Variants in MTCL1 observed in about 807,000 individuals in gnomAD.
The protein encoded by MTCL1 is microtubule cross-linking factor 1.
A neutral mutation model predicts 141.4 loss-of-function variants in MTCL1; 79 were observed. That is an observed-to-expected ratio of 0.56 (90% CI 0.47 to 0.67). The LOEUF (loss-of-function observed/expected upper bound fraction) is 0.67. Among genes scored for constraint, MTCL1 ranks in the 30% least tolerant of loss-of-function variants. MTCL1 has a pLI of 0.00. For missense variants in MTCL1, 2,177 were observed against 2,113.9 expected (o/e 1.03, Z -0.59); for synonymous variants, 914 against 875.8 (o/e 1.04, Z -0.77).
Position 8,779,724 on chromosome 18 carries a change from G to A in MTCL1, c.417+1832G>A, listed in dbSNP as rs915638418. 6.6e-6 allele frequency among the ~76,000 whole-genome samples: 1 copy of A among 152,174 alleles called. No homozygotes were observed. The highest frequency in any genetic ancestry group is 2.4e-5 in the African/African-American group (1 of 41,432). Reference sequence around the variant, plus strand: ...TCTTTCAAACCCTGCTTTAGTCTTGGTGGCAGGCCTCATAGTGCATGTGTG... The same window carrying A: ...TCTTTCAAACCCTGCTTTAGTCTTGATGGCAGGCCTCATAGTGCATGTGTG... On this transcript the variant is annotated intron_variant, in intron 5 of 16. Transcript: ENST00000359865. The surrounding 1 kb of genome is among the most constrained non-coding windows in gnomAD (Gnocchi z 4.1).
chr18:8,720,769 A>G (rs541835422), intron 4 of MTCL1, among the ~76,000 whole-genome samples: 4 of 152,376 alleles, frequency 2.6e-5, no homozygotes, highest in Admixed American at 6.5e-5. Flanking sequence ...AATATTTTCT[A>G]TCTGGCCCTT....
intron 12 of MTCL1, among the ~76,000 whole-genome samples, chr18:8,817,252 C>CTTTTTT (rs35022661): frequency 3.1e-4 from 37 of 118,236 alleles, no homozygotes; most frequent in African/African-American, 9.9e-4. Context: ...AAAGCCTTCC[C>CTTTTTT]TTTTTTTTTT....
Position 8,705,955 on chromosome 18 carries a change from C to A in MTCL1, c.295C>A (p.Arg99=). The A allele has an allele frequency of 9.0e-7, 1 of 1,111,094 alleles. No homozygotes were observed. The highest frequency in any genetic ancestry group is 1.1e-6 in the Non-Finnish European group (1 of 913,026). The allele number at this position is 1,111,094 out of a possible 1,614,324, so 68.8% of individuals were successfully genotyped here. A position where few individuals can be genotyped will look rare whatever the true frequency, so the allele number is the denominator to read the frequency against. Residue 99 remains arginine, a synonymous_variant, in exon 1 of 14, where the codon CGG becomes AGG. Transcript: ENST00000306329. The surrounding 1 kb of genome is among the most constrained non-coding windows in gnomAD (Gnocchi z 5.2). ...CCTGGCCGCGCCCGGCCGCCTCTCT[C>A]GGCGCAGTGGCGGCGTCCCGGGCGC...
At chr18:8,733,957 A>C (rs1357436492) in intron 4 of MTCL1, among the ~76,000 whole-genome samples, 4 of 152,140 alleles carry the variant, frequency 2.6e-5, no homozygotes, top group African/African-American at 4.8e-5. Flanking sequence ...AGCCATAAAC[A>C]TTATTTTGAA....
chr18:8,732,336 T>G (rs946793642), intron 4 of MTCL1, among the ~76,000 whole-genome samples: 1 of 152,164 alleles, frequency 6.6e-6, no homozygotes, highest in African/African-American at 2.4e-5. Flanking sequence ...AGTCTCAAAC[T>G]CCTGAGCTCA....
intron 15 of MTCL1, among the ~76,000 whole-genome samples, chr18:8,826,705 G>A (rs112791015): frequency 0.016 from 2,380 of 152,300 alleles, 23 homozygotes; most frequent in Non-Finnish European, 0.024. Context: ...ACAAGATCTC[G>A]ATTCCTGGGC....
intron 7 of MTCL1, chr18:8,789,718 C>T: frequency 1.0e-6 from 1 of 985,234 alleles, no homozygotes; most frequent in Non-Finnish European, 1.2e-6. Context: ...TAATCAGAAT[C>T]CTAGGTAAGT....
At chr18:8,735,052 A>G (rs1445606508) in intron 4 of MTCL1, among the ~76,000 whole-genome samples, 2 of 152,216 alleles carry the variant, frequency 1.3e-5, no homozygotes, top group African/African-American at 4.8e-5. Context: ...ACCTCTGTCC[A>G]TCAAAGCCAA....
At chr18:8,829,106 T>C in intron 16 of MTCL1, 1 of 1,518,992 alleles carries the variant, frequency 6.6e-7, no homozygotes, top group Non-Finnish European at 8.8e-7. Flanking sequence ...GAGGTTCGCC[T>C]AAACCCAGGA....
upstream of MTCL1, among the ~76,000 whole-genome samples, chr18:8,715,155 A>G (rs1235040122): frequency 2.0e-5 from 3 of 152,126 alleles, no homozygotes; most frequent in African/African-American, 7.2e-5. Flanking sequence ...AAATATTGCT[A>G]TTTACATCTG....
chr18:8,813,032 C>G lies in MTCL1; in HGVS notation c.2658C>G (p.Ser886Arg), dbSNP rs749144055. 7 of 1,614,042 alleles carry G rather than the reference C, an allele frequency of 4.3e-6. No individual in the cohort carries two copies. In the African/African-American group the frequency reaches 9.3e-5, roughly 22 times the overall value. Residue 886 changes from serine (S) to arginine (R), a missense_variant, in exon 12 of 17, where the codon AGC becomes AGG. Ser to Arg is a moderately radical substitution (Grantham distance 110). Transcript: ENST00000359865. ...GAGAACTAGGCTCCTCCGCTGAGAG[C>G]AAGGGGGCCTTGAAGAAGGAGAGAG...
intron 11 of MTCL1, among the ~76,000 whole-genome samples, chr18:8,812,352 T>A (rs1307780610): frequency 6.6e-6 from 1 of 152,246 alleles, no homozygotes; most frequent in African/African-American, 2.4e-5. Context: ...AGATACTTTT[T>A]CTGCGTACAG....
chr18:8,727,397 T>C (rs1461718431), intron 4 of MTCL1, among the ~76,000 whole-genome samples: 1 of 152,254 alleles, frequency 6.6e-6, no homozygotes, highest in Admixed American at 6.5e-5. Context: ...TGTACTAATT[T>C]ACATTCCTAC....
At chr18:8,796,978 A>G (rs529026692) in intron 9 of MTCL1, among the ~76,000 whole-genome samples, 41 of 152,336 alleles carry the variant, frequency 2.7e-4, no homozygotes, top group Non-Finnish European at 5.6e-4. Flanking sequence ...TATTTCATCA[A>G]TTTTGGTCCA....
At chr18:8,796,353 T>C (rs747987561) in exon 9 of MTCL1, 3 of 1,614,116 alleles carry the variant, frequency 1.9e-6, no homozygotes, top group Admixed American at 1.7e-5. Flanking sequence ...CAGCAGGAGC[T>C]CCGGTCCTTG....
chr18:8,827,005 G>T (rs1376948197), intron 15 of MTCL1, among the ~76,000 whole-genome samples: 1 of 152,210 alleles, frequency 6.6e-6, no homozygotes, highest in East Asian at 1.9e-4. Context: ...GATGCTGGTG[G>T]TGATGGCTAT....
chr18:8,719,570 T>C (rs1271134383), intron 3 of MTCL1, among the ~76,000 whole-genome samples: 1 of 152,176 alleles, frequency 6.6e-6, no homozygotes, highest in African/African-American at 2.4e-5. Flanking sequence ...TTTTTTTTTA[T>C]TATTATTTTA....
At chr18:8,755,241 C>T (rs2096391175) in intron 4 of MTCL1, among the ~76,000 whole-genome samples, 1 of 152,228 alleles carries the variant, frequency 6.6e-6, no homozygotes, top group South Asian at 2.1e-4. Flanking sequence ...CCTAGGCCTT[C>T]TCCTGCCAAG....
At chr18:8,737,086 C>T (rs2096278157) in intron 4 of MTCL1, among the ~76,000 whole-genome samples, 1 of 152,148 alleles carries the variant, frequency 6.6e-6, no homozygotes, top group African/African-American at 2.4e-5. Context: ...CACCTTTTTG[C>T]AGTGTTCCTA....
Sources: allele counts gnomAD v4.1 joint callset (sites outside exome capture counted in the v4.1 genomes callset), GRCh38; gene constraint gnomAD v4.1.1; non-coding constraint Gnocchi (gnomAD v3.1); transcripts MANE v1.5; gene names NCBI Gene and HGNC (gene_info 2026-07-23, HGNC 2026-07-21).